The following NICOL1 variants were observed in gnomAD, a reference collection of about 807,000 sequenced individuals.
NICOL1 encodes the protein NELL2-interacting cell ontogeny regulator 1.
At chr4:2,041,876 C>G in the NICOL1 span, 4 of 1,125,742 alleles carry the variant, frequency 3.6e-6, no homozygotes, top group Admixed American at 1.2e-4. Flanking sequence ...CCGGCCAGGG[C>G]CAGGCACACC....
At chr4:2,042,808 G>C in the NICOL1 span, 27 of 1,504,420 alleles carry the variant, frequency 1.8e-5, no homozygotes, top group Non-Finnish European at 2.3e-5. Flanking sequence ...AAGACAGCCT[G>C]CAGCCTGGAC....
the NICOL1 span, chr4:2,041,662 G>C: frequency 3.5e-6 from 1 of 282,328 alleles, no homozygotes; most frequent in Non-Finnish European, 6.6e-6. Context: ...GTTTGCATGC[G>C]CAGCTCCCCG....
chr4:2,036,734 A>G, the NICOL1 span, among the ~76,000 whole-genome samples: 9 of 152,178 alleles, frequency 5.9e-5, no homozygotes, highest in South Asian at 1.9e-3. Flanking sequence ...AAATAAGAAT[A>G]TATATGGAGT....
the NICOL1 span, chr4:2,043,947 A>T: frequency 6.5e-7 from 1 of 1,533,988 alleles, no homozygotes; most frequent in Non-Finnish European, 8.8e-7. Context: ...GCTCCGTGTG[A>T]ATAAATGCCC....
chr4:2,036,882 A>G, the NICOL1 span, among the ~76,000 whole-genome samples: 2 of 152,058 alleles, frequency 1.3e-5, no homozygotes, highest in Non-Finnish European at 2.9e-5. Context: ...CACATTGCAC[A>G]TTCATGCTCC....
chr4:2,042,832 C>T, the NICOL1 span: 1 of 1,478,708 alleles, frequency 6.8e-7, no homozygotes, highest in Admixed American at 2.2e-5. Context: ...CGGGTGAGCG[C>T]CCGCGGCGCG....
chr4:2,042,885 G>A, the NICOL1 span: 1 of 1,205,816 alleles, frequency 8.3e-7, no homozygotes, highest in Non-Finnish European at 1.1e-6. Flanking sequence ...GGGCAGGGAG[G>A]ATGAGGAAGA....
At chr4:2,042,737 C>A in the NICOL1 span, 1 of 1,511,416 alleles carries the variant, frequency 6.6e-7, no homozygotes, top group South Asian at 1.2e-5. Flanking sequence ...CCCCCGCAGG[C>A]CGCCCATGCG....
chr4:2,041,469 G>A, the NICOL1 span, among the ~76,000 whole-genome samples: 1 of 152,184 alleles, frequency 6.6e-6, no homozygotes, highest in African/African-American at 2.4e-5. Flanking sequence ...CCTGGGTTGG[G>A]GGTGGGTAGC....
the NICOL1 span, among the ~76,000 whole-genome samples, chr4:2,037,896 C>G: frequency 2.6e-5 from 4 of 151,346 alleles, no homozygotes; most frequent in Admixed American, 6.6e-5. Flanking sequence ...GTTATGCATT[C>G]TTTTGATACA....
the NICOL1 span, among the ~76,000 whole-genome samples, chr4:2,037,407 A>T: frequency 4.6e-5 from 7 of 152,362 alleles, no homozygotes; most frequent in South Asian, 1.0e-3. Flanking sequence ...ACACTTCTAA[A>T]TAACTTCTTA....
the NICOL1 span, among the ~76,000 whole-genome samples, chr4:2,041,314 C>T: frequency 2.0e-5 from 3 of 152,180 alleles, no homozygotes; most frequent in Non-Finnish European, 4.4e-5. Context: ...CCCCCGGGGG[C>T]CACTGGCTGC....
chr4:2,042,533 G>A, the NICOL1 span: 1 of 436,492 alleles, frequency 2.3e-6, no homozygotes, highest in Non-Finnish European at 4.0e-6. Flanking sequence ...GCTGGCGACA[G>A]GGGCGTGCGG....
chr4:2,043,435 C>T, the NICOL1 span, among the ~76,000 whole-genome samples: 51 of 152,312 alleles, frequency 3.3e-4, no homozygotes, highest in African/African-American at 1.1e-3. Flanking sequence ...GTCCCACCCC[C>T]CACCAGCCCT....
the NICOL1 span, chr4:2,041,839 C>T: frequency 2.6e-6 from 2 of 759,410 alleles, no homozygotes; most frequent in Non-Finnish European, 3.9e-6. Context: ...CCGCCATGGG[C>T]CTGGACGCTG....
the NICOL1 span, among the ~76,000 whole-genome samples, chr4:2,038,192 T>G: frequency 7.4e-6 from 1 of 136,018 alleles, no homozygotes; most frequent in Non-Finnish European, 1.6e-5. Flanking sequence ...TTTGACATGT[T>G]TAAATTATTT....
the NICOL1 span, chr4:2,042,401 C>CTGCCGCT: frequency 4.7e-6 from 2 of 425,814 alleles, no homozygotes; most frequent in African/African-American, 4.2e-5. Context: ...CCGCCGCCGC[C>CTGCCGCT]GCTGCTGCTG....
At chr4:2,042,789 G>GACCTGCGGAAGACAGCCTGCAGC in the NICOL1 span, 1 of 1,517,898 alleles carries the variant, frequency 6.6e-7, no homozygotes, top group Non-Finnish European at 8.8e-7. Context: ...CGCCCTGCAG[G>GACCTGCGGAAGACAGCCTGCAGC]ACCTGCGGAA....
the NICOL1 span, chr4:2,042,865 G>A: frequency 1.5e-6 from 2 of 1,359,374 alleles, no homozygotes; most frequent in African/African-American, 1.5e-5. Context: ...GGCTTCCCAG[G>A]GGGTGGGGAG....
Sources: allele counts gnomAD v4.1 joint callset (sites outside exome capture counted in the v4.1 genomes callset), GRCh38; gene constraint gnomAD v4.1.1; transcripts MANE v1.5; gene names NCBI Gene and HGNC (gene_info 2026-07-23, HGNC 2026-07-21).